The following MAGED1 variants were observed in gnomAD, a reference collection of about 807,000 sequenced individuals.
MAGED1 encodes MAGE family member D1.
MAGED1 carries 3 observed loss-of-function variants against 54.1 expected under a neutral mutation model. That is an observed-to-expected ratio of 0.06 (90% CI 0.03 to 0.14). The LOEUF (loss-of-function observed/expected upper bound fraction) is 0.14, where lower values mean the gene tolerates loss of function less well. Ranked by LOEUF, MAGED1 falls within the 10% of genes least tolerant of loss-of-function variation. The pLI is 1.00. For synonymous variants in MAGED1, 217 were observed against 227.3 expected (o/e 0.95, Z 0.41); for missense variants, 485 against 623.4 (o/e 0.78, Z 2.36).
chrX:51,897,769 C>T, intron 6 of MAGED1, 26 bp from the exon 7 acceptor site: 2 of 1,143,304 alleles, frequency 1.7e-6, no homozygotes, highest in Non-Finnish European at 2.4e-6. Context: ...GTTGTAATTT[C>T]ATAGTCTGTT....
Position 51,895,033 on chromosome X carries a change from T to C in MAGED1, c.46-20T>C, listed in dbSNP as rs782107245. ...CCTCAGAGGCCCAGAGATTTAATTT[T>C]TTCCCCCCTGTGTTTGCAGGCTGAG... On this transcript the variant is annotated intron_variant, in intron 2 of 12. Coordinates refer to ENST00000326587, the MANE Select transcript of MAGED1 (RefSeq NM_006986.4). The C allele has an allele frequency of 1.7e-6, 2 of 1,163,526 alleles. No individual in the cohort carries two copies. The highest frequency in any genetic ancestry group is 2.3e-6 in the Non-Finnish European group (2 of 864,884).
At chrX:51,879,986 T>G (rs1204644648) in intron 1 of MAGED1, among the ~76,000 whole-genome samples, 1 of 112,468 alleles carries the variant, frequency 8.9e-6, no homozygotes, top group African/African-American at 3.2e-5. Context: ...CCTTAAGCAA[T>G]GTGTTCTTTT....
At chrX:51,845,330 C>T (rs782395839) in intron 1 of MAGED1, among the ~76,000 whole-genome samples, 1 of 112,067 alleles carries the variant, frequency 8.9e-6, no homozygotes, top group South Asian at 3.8e-4. Context: ...AAGAATGACT[C>T]TGAAGGTGGA....
At chrX:51,869,792 C>A (rs1220864327) in intron 1 of MAGED1, among the ~76,000 whole-genome samples, 1 of 111,156 alleles carries the variant, frequency 9.0e-6, no homozygotes, top group African/African-American at 3.3e-5. Context: ...ATTGCTTGAA[C>A]CCAGGAGGCG....
chrX:51,890,316 C>T (rs182991125), upstream of MAGED1, among the ~76,000 whole-genome samples: 1 of 112,508 alleles, frequency 8.9e-6, no homozygotes, highest in East Asian at 2.8e-4. Flanking sequence ...TGCCTGGTCT[C>T]TCCTGAATTT....
intron 1 of MAGED1, among the ~76,000 whole-genome samples, chrX:51,805,504 A>G (rs985382705): frequency 2.7e-5 from 3 of 110,627 alleles, no homozygotes; most frequent in East Asian, 5.6e-4. Flanking sequence ...TTATTATTTT[A>G]TAAGACAATC....
chrX:51,855,801 C>T (rs1295844927), intron 1 of MAGED1, among the ~76,000 whole-genome samples: 1 of 111,508 alleles, frequency 9.0e-6, no homozygotes. Context: ...GCTAGGATTA[C>T]AGGCATGAGC....
intron 1 of MAGED1, among the ~76,000 whole-genome samples, chrX:51,842,053 T>C (rs782523240): frequency 2.7e-5 from 3 of 112,321 alleles, no homozygotes; most frequent in East Asian, 2.8e-4. Context: ...ATAGTTCTCA[T>C]TGGTTGTCTT....
intron 1 of MAGED1, among the ~76,000 whole-genome samples, chrX:51,803,777 A>G (rs1368922545): frequency 1.0e-5 from 1 of 98,978 alleles, no homozygotes; most frequent in East Asian, 3.2e-4. Context: ...TTTAGATACT[A>G]TTGCACAGGT....
chrX:51,855,777 C>T (rs185294784), intron 1 of MAGED1, among the ~76,000 whole-genome samples: 130 of 111,184 alleles, frequency 1.2e-3, no homozygotes, highest in African/African-American at 4.0e-3. Flanking sequence ...CTGCCCGCCT[C>T]GGCCTCCCAA....
At chrX:51,884,471 G>T (rs1928171838) in intron 1 of MAGED1, among the ~76,000 whole-genome samples, 1 of 111,953 alleles carries the variant, frequency 8.9e-6, no homozygotes. Context: ...CCAGAAGAAG[G>T]AAAACTAAGA....
chrX:51,897,177 TAA>T (rs1928795854), intron 4 of MAGED1, 29 bp from the exon 5 acceptor site: 4 of 1,202,672 alleles, frequency 3.3e-6, no homozygotes, highest in Admixed American at 2.2e-5. Flanking sequence ...AAATATTTTA[TAA>T]GTTTAATGAT....
intron 1 of MAGED1, among the ~76,000 whole-genome samples, chrX:51,813,127 G>A (rs980292590): frequency 7.6e-5 from 8 of 104,942 alleles, no homozygotes; most frequent in African/African-American, 2.1e-4. Flanking sequence ...GGGTTTAACC[G>A]ATTCTCCTGC....
intron 1 of MAGED1, among the ~76,000 whole-genome samples, chrX:51,830,035 T>G (rs1926002048): frequency 8.9e-6 from 1 of 111,778 alleles, no homozygotes; most frequent in African/African-American, 3.2e-5. Flanking sequence ...ATTCCCCAAC[T>G]GTTCCAAATT....
intron 1 of MAGED1, among the ~76,000 whole-genome samples, chrX:51,819,923 A>G (rs1437934619): frequency 8.9e-6 from 1 of 111,733 alleles, no homozygotes; most frequent in Non-Finnish European, 1.9e-5. Context: ...TGAGTTTTAT[A>G]ATTTTAGCTT....
At chrX:51,892,588 G>T (rs181769467), upstream of MAGED1, among the ~76,000 whole-genome samples, 311 of 112,013 alleles carry the variant, frequency 2.8e-3, no homozygotes, top group African/African-American at 9.8e-3. Flanking sequence ...CGCCTGGATG[G>T]ACCCACACAG....
Position 51,830,083 on chromosome X carries a change from A to G in MAGED1, c.-37+26966A>G, listed in dbSNP as rs782287439. On this transcript the variant is annotated intron_variant, in intron 1 of 12. Transcript: ENST00000375772. ...ATCAATAACTCATCAGTCATCATCT[A>G]TTCATACAGTGCAATTTAATATGGC... 9.8e-5 allele frequency among the ~76,000 whole-genome samples: 11 copies of G among 112,200 alleles called. No homozygotes were observed. In the South Asian group the frequency reaches 1.8e-3, roughly 19 times the overall value.
intron 1 of MAGED1, chrX:51,857,514 A>C (rs182166425): frequency 2.7e-5 from 3 of 112,057 alleles, no homozygotes; most frequent in Non-Finnish European, 5.6e-5. Context: ...AACCTTATGC[A>C]ATGATGAATG....
intron 1 of MAGED1, among the ~76,000 whole-genome samples, chrX:51,855,999 C>T (rs1017036983): frequency 1.8e-5 from 2 of 111,893 alleles, no homozygotes; most frequent in Non-Finnish European, 3.8e-5. Flanking sequence ...GGGACTTCAC[C>T]GTATGAATTT....
Sources: allele counts gnomAD v4.1 joint callset (sites outside exome capture counted in the v4.1 genomes callset), GRCh38; gene constraint gnomAD v4.1.1; transcripts MANE v1.5; gene names NCBI Gene and HGNC (gene_info 2026-07-23, HGNC 2026-07-21).